The following ADGRB3 variants were observed in gnomAD, a reference collection of about 807,000 sequenced individuals.
ADGRB3 encodes adhesion G protein-coupled receptor B3.
ADGRB3 carries 37 observed loss-of-function variants against 193.4 expected under a neutral mutation model. The observed-to-expected ratio is 0.19, with a 90% CI of 0.15 to 0.25. ADGRB3 has a LOEUF of 0.25. Among genes scored for constraint, ADGRB3 ranks in the 10% least tolerant of loss-of-function variants. ADGRB3 has a pLI of 1.00. For synonymous variants in ADGRB3, 690 were observed against 644.2 expected (o/e 1.07, Z -1.08); for missense variants, 1,637 against 1,852.9 (o/e 0.88, Z 2.14).
chr6:68,856,857 G>A (rs1765002761), intron 3 of ADGRB3, among the ~76,000 whole-genome samples: 1 of 152,210 alleles, frequency 6.6e-6, no homozygotes, highest in Non-Finnish European at 1.5e-5. Flanking sequence ...AGGCCCAGAG[G>A]CCTAGGAGGA....
At position 68,766,921 on chromosome 6, in the gene ADGRB3, G is replaced by T. The variant is rs539131250; in HGVS notation, c.757+127489G>T. On this transcript the variant is annotated intron_variant, in intron 3 of 31. Coordinates refer to ENST00000370598, the MANE Select transcript of ADGRB3 (RefSeq NM_001704.3). ...ACAATAATTCATTTGTAACATACTG[G>T]TTTTTCATCCATGGTTCTCAAAAAA... Among the ~76,000 whole-genome samples the T allele has an allele frequency of 3.3e-5, 5 of 151,938 alleles. No individual in the cohort carries two copies. In the South Asian group the frequency reaches 1.0e-3, roughly 32 times the overall value.
At chr6:68,772,884 A>ACAAC (rs1554191308) in intron 3 of ADGRB3, among the ~76,000 whole-genome samples, 1 of 35,282 alleles carries the variant, frequency 2.8e-5, no homozygotes, top group Non-Finnish European at 4.4e-5. Flanking sequence ...CAAACAAACA[A>ACAAC]AAAAAAAAAA....
intron 3 of ADGRB3, among the ~76,000 whole-genome samples, chr6:68,694,140 T>C (rs955456673): frequency 9.2e-5 from 14 of 152,004 alleles, no homozygotes; most frequent in African/African-American, 3.4e-4. Context: ...GAACACATGG[T>C]GGCATCTACC....
intron 3 of ADGRB3, among the ~76,000 whole-genome samples, chr6:68,906,882 C>T (rs1020976657): frequency 1.4e-4 from 21 of 151,860 alleles, no homozygotes; most frequent in African/African-American, 3.1e-4. Flanking sequence ...TAGAAGCTTT[C>T]GACAGTAAAA....
At chr6:69,152,272 T>C (rs541005525) in intron 17 of ADGRB3, among the ~76,000 whole-genome samples, 3 of 152,334 alleles carry the variant, frequency 2.0e-5, no homozygotes, top group South Asian at 2.1e-4. Context: ...TGGAATTCTC[T>C]TGTGGAAGTC....
At chr6:68,965,172 T>C (rs1315200180) in intron 8 of ADGRB3, among the ~76,000 whole-genome samples, 4 of 152,238 alleles carry the variant, frequency 2.6e-5, no homozygotes, top group African/African-American at 9.6e-5. Context: ...TTGTTTCCAT[T>C]TGAGACAGAT....
chr6:69,274,154 T>C (rs1054142045), intron 20 of ADGRB3, among the ~76,000 whole-genome samples: 12 of 152,204 alleles, frequency 7.9e-5, no homozygotes, highest in Non-Finnish European at 1.6e-4. Context: ...CATTGAAGTG[T>C]TCTCAGTTCC....
In ADGRB3 at chr6:69,226,352, A is replaced by G. The variant is rs150338975; in HGVS notation, c.2481-6938A>G. 2.6e-5 allele frequency among the ~76,000 whole-genome samples: 4 copies of G among 152,352 alleles called. No homozygotes were observed. In the East Asian group the frequency reaches 7.7e-4, roughly 29 times the overall value. ...ATGTAGGAAACTCCAACTATATCAA[A>G]TCAAAATCTTTAACAGCTATTTATT... On this transcript the variant is annotated intron_variant, in intron 17 of 31. Coordinates refer to ENST00000370598, the MANE Select transcript of ADGRB3 (RefSeq NM_001704.3).
intron 30 of ADGRB3, among the ~76,000 whole-genome samples, chr6:69,379,805 A>G (rs574574943): frequency 4.5e-4 from 69 of 152,108 alleles, no homozygotes; most frequent in African/African-American, 1.6e-3. Context: ...TTCAAATTAG[A>G]ATGAATATTT....
Position 68,661,363 on chromosome 6 carries a change from G to GTA in ADGRB3, c.757+21939_757+21940dup, listed in dbSNP as rs1362343660. On this transcript the variant is annotated intron_variant, in intron 3 of 31. Coordinates refer to ENST00000370598, the MANE Select transcript of ADGRB3 (RefSeq NM_001704.3). ...TATATGTGTGTGTGTGTGTGTGTGT[G>GTA]TATATATATGTGTATACATATATAT... 3.1e-5 allele frequency among the ~76,000 whole-genome samples: 3 copies of GTA among 97,084 alleles called. 1 individual carries two copies. The highest frequency in any genetic ancestry group is 2.1e-4 in the Admixed American group (2 of 9,544). The allele number at this position is 97,084 out of a possible 152,430, so 63.7% of individuals were successfully genotyped here. A position where few individuals can be genotyped will look rare whatever the true frequency, so the allele number is the denominator to read the frequency against.
At chr6:68,692,215 A>G (rs912782530) in intron 3 of ADGRB3, among the ~76,000 whole-genome samples, 7 of 152,030 alleles carry the variant, frequency 4.6e-5, no homozygotes, top group South Asian at 4.1e-4. Flanking sequence ...CAACTATGCA[A>G]AATCACTTGC....
At chr6:69,013,831 A>G (rs933879818) in intron 11 of ADGRB3, among the ~76,000 whole-genome samples, 2 of 152,060 alleles carry the variant, frequency 1.3e-5, no homozygotes, top group Non-Finnish European at 2.9e-5. Context: ...ACCTCCTCTG[A>G]GAGTACAAAA....
intron 3 of ADGRB3, among the ~76,000 whole-genome samples, chr6:68,913,924 A>C (rs1766798024): frequency 6.6e-6 from 1 of 151,872 alleles, no homozygotes; most frequent in Non-Finnish European, 1.5e-5. Context: ...GATGCGATCA[A>C]CTGGAAGAAA....
chr6:68,858,831 C>G (rs555825134), intron 3 of ADGRB3, among the ~76,000 whole-genome samples: 138 of 152,274 alleles, frequency 9.1e-4, no homozygotes, highest in African/African-American at 3.2e-3. Flanking sequence ...GCCTGGCCAA[C>G]AAAACCATTG....
intron 7 of ADGRB3, 107 bp downstream of exon 7, chr6:68,956,295 A>C: frequency 1.1e-6 from 1 of 895,852 alleles, no homozygotes; most frequent in South Asian, 2.2e-5. Flanking sequence ...TAATCATTAT[A>C]TATATATGTG....
chr6:69,049,397 G>GAGCTATAATCACATTT, intron 15 of ADGRB3, 51 bp downstream of exon 15: 3 of 1,311,502 alleles, frequency 2.3e-6, no homozygotes, highest in Non-Finnish European at 3.2e-6. Flanking sequence ...ATTCCAAAAT[G>GAGCTATAATCACATTT]TGATTATAGC....
At chr6:69,022,845 A>T (rs1034850469) in intron 13 of ADGRB3, among the ~76,000 whole-genome samples, 4 of 152,136 alleles carry the variant, frequency 2.6e-5, no homozygotes, top group African/African-American at 9.6e-5. Flanking sequence ...ATGAGATCTG[A>T]CATGACTAGA....
chr6:69,312,280 A>G (rs769721445), intron 20 of ADGRB3, among the ~76,000 whole-genome samples: 1 of 151,800 alleles, frequency 6.6e-6, no homozygotes, highest in African/African-American at 2.4e-5. Context: ...ATGATGTCCA[A>G]GTTCCTGGTG....
Position 69,338,935 on chromosome 6 carries a change from A to G in ADGRB3, c.3208A>G (p.Ser1070Gly). 1 of 1,613,806 alleles carries G rather than the reference A, an allele frequency of 6.2e-7. No homozygotes were observed. Among genetic ancestry groups the G allele is most frequent in the South Asian group, 1.1e-5 (1 of 91,074 alleles). Residue 1070 changes from serine (S) to glycine (G), a missense_variant, in exon 25 of 32, where the codon AGC (serine) becomes GGC (glycine). Physicochemically the swap from Ser to Gly is moderately conservative, Grantham distance 56 (BLOSUM62 0). Around this residue, in one of 7 missense-constraint regions of ADGRB3, gnomAD observed 56 missense variants for 53.3 expected, o/e 1.05. Transcript: ENST00000370598. ...TTGCAGTCAGATGAGTGAGCCTCATAGCGGTTTGACGCTCAAATGTGCCAA... is the reference window on the plus strand; with the variant it reads ...TTGCAGTCAGATGAGTGAGCCTCATGGCGGTTTGACGCTCAAATGTGCCAA... ...HRAGQMSEPH[S>G]GLTLKCAKCG...
Sources: gnomAD v4.1 joint callset for allele counts (sites outside exome capture counted in the v4.1 genomes callset) on GRCh38, gnomAD v4.1.1 for gene constraint, gnomAD v4.1.1 regional missense constraint, MANE v1.5 for transcripts, NCBI Gene and HGNC (gene_info 2026-07-23, HGNC 2026-07-21) for gene names.